The following RBFOX1 variants were observed in gnomAD, a reference collection of about 807,000 sequenced individuals.
The protein encoded by RBFOX1 is RNA binding protein fox-1 homolog 1.
A neutral mutation model predicts 57.7 loss-of-function variants in RBFOX1; 8 were observed. The ratio of observed to expected loss-of-function variants is 0.14; its 90% CI spans 0.08 to 0.25. The LOEUF (loss-of-function observed/expected upper bound fraction) is 0.25. Ranked by LOEUF, RBFOX1 falls within the 10% of genes least tolerant of loss-of-function variation. The pLI is 1.00. For synonymous variants in RBFOX1, 326 were observed against 222.4 expected (o/e 1.47, Z -4.15); for missense variants, 611 against 548.5 (o/e 1.11, Z -1.14).
At chr16:6,828,576 T>A (rs918282983) in intron 3 of RBFOX1, among the ~76,000 whole-genome samples, 2 of 151,188 alleles carry the variant, frequency 1.3e-5, no homozygotes, top group Non-Finnish European at 2.9e-5. Context: ...TGTGGGCTGA[T>A]CAGATCCTGA....
intron 2 of RBFOX1, among the ~76,000 whole-genome samples, chr16:6,525,270 C>T (rs895030213): frequency 8.5e-5 from 13 of 152,138 alleles, no homozygotes; most frequent in African/African-American, 3.1e-4. Flanking sequence ...AGAACCACTG[C>T]AGAATTATCA....
At chr16:6,005,542 G>A (rs1206733833) in intron 4 of RBFOX1, among the ~76,000 whole-genome samples, 3 of 152,204 alleles carry the variant, frequency 2.0e-5, no homozygotes, top group South Asian at 2.1e-4. Context: ...CAGTGTTGAC[G>A]TTCTGAGCTG....
chr16:6,879,690 G>C (rs187143489), intron 3 of RBFOX1, among the ~76,000 whole-genome samples: 1 of 152,150 alleles, frequency 6.6e-6, no homozygotes, highest in South Asian at 2.1e-4. Flanking sequence ...GTACGTCTCT[G>C]TTTAATTGTA....
At chr16:6,532,256 G>T (rs568923705) in intron 2 of RBFOX1, among the ~76,000 whole-genome samples, 1 of 152,270 alleles carries the variant, frequency 6.6e-6, no homozygotes, top group South Asian at 2.1e-4. Context: ...TGCATAAAAT[G>T]GGGGAGCTGT....
Position 6,912,757 on chromosome 16 carries a change from A to G in RBFOX1, c.-15-139300A>G, listed in dbSNP as rs536031241. Among the ~76,000 whole-genome samples the G allele has an allele frequency of 9.0e-4, 137 of 152,010 alleles. 1 individual carries two copies. The highest frequency in any genetic ancestry group is 3.2e-3 in the African/African-American group (133 of 41,482). ...CTCAGCCTACTGAGTAGCTGGGACT[A>G]TAGGCACATGCCACCACACGTGCCC... On this transcript the variant is annotated intron_variant, in intron 3 of 15. Transcript: ENST00000550418.
chr16:5,804,143 A>G (rs576224597), intron 3 of RBFOX1, among the ~76,000 whole-genome samples: 2 of 152,310 alleles, frequency 1.3e-5, no homozygotes, highest in East Asian at 1.9e-4. Flanking sequence ...CCTCAGTCCA[A>G]TTCATTTTGG....
chr16:6,485,959 T>C (rs1413240368), intron 2 of RBFOX1, among the ~76,000 whole-genome samples: 1 of 151,940 alleles, frequency 6.6e-6, no homozygotes, highest in Non-Finnish European at 1.5e-5. Context: ...ATAGTTTTTC[T>C]TTTTTGTATG....
chr16:7,258,845 C>G (rs1055967015), intron 4 of RBFOX1, among the ~76,000 whole-genome samples: 2 of 151,820 alleles, frequency 1.3e-5, no homozygotes, highest in Non-Finnish European at 2.9e-5. Flanking sequence ...AGTAAGAGAC[C>G]CTGATTTAAA....
At chr16:6,149,511 C>T (rs1367991996) in intron 1 of RBFOX1, among the ~76,000 whole-genome samples, 2 of 152,176 alleles carry the variant, frequency 1.3e-5, no homozygotes, top group African/African-American at 4.8e-5. Flanking sequence ...TTCATTTTTA[C>T]ATAAGGCCCC....
At chr16:5,247,737 C>T (rs969749243) in intron 1 of RBFOX1, among the ~76,000 whole-genome samples, 2 of 151,840 alleles carry the variant, frequency 1.3e-5, no homozygotes, top group Non-Finnish European at 2.9e-5. Flanking sequence ...TACCATCTGG[C>T]CCTCGAGAGA....
chr16:7,522,243 G>A (rs1415012341), intron 5 of RBFOX1, among the ~76,000 whole-genome samples: 1 of 152,176 alleles, frequency 6.6e-6, no homozygotes, highest in South Asian at 2.1e-4. Context: ...GTACAAAGAA[G>A]CTTGAATTGG....
intron 3 of RBFOX1, among the ~76,000 whole-genome samples, chr16:5,863,360 C>A (rs899399054): frequency 6.6e-6 from 1 of 152,220 alleles, no homozygotes; most frequent in East Asian, 1.9e-4. Context: ...GCCTCAAACA[C>A]GGCTCTAATC....
intron 3 of RBFOX1, among the ~76,000 whole-genome samples, chr16:7,031,913 G>A (rs1007550917): frequency 5.9e-5 from 9 of 152,022 alleles, no homozygotes; most frequent in African/African-American, 1.7e-4. Context: ...GTATAATTAC[G>A]GAGGCCCTGC....
intron 2 of RBFOX1, among the ~76,000 whole-genome samples, chr16:6,393,369 G>A (rs909286916): frequency 1.4e-4 from 22 of 152,218 alleles, no homozygotes; most frequent in Non-Finnish European, 2.2e-4. Flanking sequence ...GCAGTGCTTC[G>A]GATACAGGGA....
At chr16:7,460,417 G>GTATA (rs1167933227) in intron 4 of RBFOX1, among the ~76,000 whole-genome samples, 1 of 125,404 alleles carries the variant, frequency 8.0e-6, no homozygotes, top group South Asian at 2.6e-4. Context: ...GTGTGTGTGT[G>GTATA]TATATACATA....
At chr16:7,695,373 C>G (rs1417898745) in intron 14 of RBFOX1, among the ~76,000 whole-genome samples, 3 of 146,608 alleles carry the variant, frequency 2.0e-5, no homozygotes, top group East Asian at 2.0e-4. Flanking sequence ...TGAAAGCCTT[C>G]TAGGGCATCA....
At chr16:6,142,936 T>C (rs1250534333) in intron 1 of RBFOX1, among the ~76,000 whole-genome samples, 1 of 152,210 alleles carries the variant, frequency 6.6e-6, no homozygotes, top group East Asian at 1.9e-4. Flanking sequence ...CCCTCCTCTG[T>C]TACTCCTGAA....
chr16:7,194,435 G>A (rs1187492239), intron 4 of RBFOX1, among the ~76,000 whole-genome samples: 2 of 152,190 alleles, frequency 1.3e-5, no homozygotes, highest in Non-Finnish European at 2.9e-5. Flanking sequence ...TATGGTACAG[G>A]ATGACCGTCT....
chr16:6,506,878 C>T (rs2096111682), intron 2 of RBFOX1, among the ~76,000 whole-genome samples: 1 of 152,034 alleles, frequency 6.6e-6, no homozygotes, highest in Admixed American at 6.5e-5. Flanking sequence ...AAACTCCTGA[C>T]CTCAAGTGAT....
Sources: gnomAD v4.1 joint callset for allele counts (sites outside exome capture counted in the v4.1 genomes callset) on GRCh38, gnomAD v4.1.1 for gene constraint, MANE v1.5 for transcripts, NCBI Gene and HGNC (gene_info 2026-07-23, HGNC 2026-07-21) for gene names.